Variants in ARHGAP18 observed in about 807,000 individuals in gnomAD.
ARHGAP18 encodes the protein rho GTPase-activating protein 18.
In ARHGAP18, 67 loss-of-function variants were observed where a neutral mutation model predicts 86.2. The observed-to-expected ratio is 0.78, with a 90% CI of 0.64 to 0.95. The LOEUF (loss-of-function observed/expected upper bound fraction) is 0.95. Among genes scored for constraint, ARHGAP18 ranks in the 40% least tolerant of loss-of-function variants. ARHGAP18 has a pLI of 0.00. For synonymous variants in ARHGAP18, 283 were observed against 280.4 expected, an observed-to-expected ratio of 1.01 and a Z score of -0.09; for missense variants, 691 against 780.4, an observed-to-expected ratio of 0.89 and a Z score of 1.37.
chr6:129,582,528 G>GT (rs1288457614), intron 13 of ARHGAP18, among the ~76,000 whole-genome samples: 1 of 152,198 alleles, frequency 6.6e-6, no homozygotes, highest in Non-Finnish European at 1.5e-5. Context: ...GCAAAAGTTA[G>GT]TATCTACTAA....
chr6:129,670,194 C>T (rs1289439825), intron 1 of ARHGAP18, among the ~76,000 whole-genome samples: 1 of 152,180 alleles, frequency 6.6e-6, no homozygotes, highest in Non-Finnish European at 1.5e-5. Flanking sequence ...ACAGTGTGTG[C>T]TAATTTGGTT....
intron 1 of ARHGAP18, among the ~76,000 whole-genome samples, chr6:129,709,471 G>T (rs1317186245): frequency 2.6e-5 from 4 of 151,898 alleles, no homozygotes; most frequent in Non-Finnish European, 5.9e-5. Flanking sequence ...AAGCCTGGGG[G>T]AAAAAAAATC....
intron 5 of ARHGAP18, among the ~76,000 whole-genome samples, chr6:129,627,460 C>T (rs1278772284): frequency 6.6e-6 from 1 of 151,984 alleles, no homozygotes; most frequent in Non-Finnish European, 1.5e-5. Context: ...TCTTGACTCC[C>T]CCCCAAAAAA....
intron 1 of ARHGAP18, among the ~76,000 whole-genome samples, chr6:129,698,202 C>T (rs141616736): frequency 6.6e-6 from 1 of 152,242 alleles, no homozygotes; most frequent in Non-Finnish European, 1.5e-5. Context: ...TTTTTCTAGG[C>T]TTATCATTTG....
Position 129,629,475 on chromosome 6 carries a change from C to T in ARHGAP18, c.664G>A (p.Glu222Lys). The change falls in exon 5 of 15, where the codon GAG becomes AAG. Residue 222 changes from glutamate (E) to lysine (K), a missense_variant. Glu to Lys is a moderately conservative substitution (Grantham distance 56). Coordinates refer to ENST00000368149, the MANE Select transcript of ARHGAP18 (RefSeq NM_033515.3). ...ATGTCTGTTTCAGGGGCAGGCGTCT[C>T]CTCAGGTGGGATCAGCTTCTCTTCA... ...VGEEKLIPPE[E>K]TPAPETDINL... 1 of 1,613,730 alleles carries T rather than the reference C, an allele frequency of 6.2e-7. No homozygotes were observed. Among genetic ancestry groups the T allele is most frequent in the Non-Finnish European group, 8.5e-7 (1 of 1,179,890 alleles).
At chr6:129,704,626 C>T (rs1393865220) in intron 1 of ARHGAP18, among the ~76,000 whole-genome samples, 1 of 152,114 alleles carries the variant, frequency 6.6e-6, no homozygotes, top group Non-Finnish European at 1.5e-5. Flanking sequence ...CCTACAGGCC[C>T]TAATGTCAAA....
intron 5 of ARHGAP18, 81 bp downstream of exon 5, chr6:129,629,268 TGTGC>T (rs770121178): frequency 2.7e-6 from 3 of 1,113,632 alleles, no homozygotes; most frequent in Non-Finnish European, 3.8e-6. Flanking sequence ...TATATGTGTG[TGTGC>T]GTGTGTGTGT....
At chr6:129,619,257 GA>G (rs1325607333) in intron 5 of ARHGAP18, among the ~76,000 whole-genome samples, 8 of 7,886 alleles carry the variant, frequency 1.0e-3, no homozygotes, top group African/African-American at 4.3e-3. Flanking sequence ...AGGGGAGAGA[GA>G]GGGGGAGGGG....
At chr6:129,699,746 C>T (rs1477423676) in intron 1 of ARHGAP18, among the ~76,000 whole-genome samples, 2 of 152,108 alleles carry the variant, frequency 1.3e-5, no homozygotes, top group Non-Finnish European at 2.9e-5. Context: ...TCGCTAGTTA[C>T]GTCCACACCC....
intron 12 of ARHGAP18, among the ~76,000 whole-genome samples, chr6:129,590,511 C>T (rs1486433139): frequency 6.6e-6 from 1 of 152,086 alleles, no homozygotes; most frequent in Admixed American, 6.5e-5. Context: ...AGATGGGAAG[C>T]AGCATGAGTA....
At chr6:129,656,214 A>C (rs1773831897) in intron 1 of ARHGAP18, among the ~76,000 whole-genome samples, 1 of 152,258 alleles carries the variant, frequency 6.6e-6, no homozygotes, top group Admixed American at 6.5e-5. Flanking sequence ...TAGAGGAGAT[A>C]AAATATGTAG....
intron 1 of ARHGAP18, among the ~76,000 whole-genome samples, chr6:129,668,286 G>C (rs1212022772): frequency 6.6e-6 from 1 of 151,560 alleles, no homozygotes; most frequent in African/African-American, 2.4e-5. Context: ...AAGGGTATCA[G>C]TGCATGGAGC....
intron 1 of ARHGAP18, among the ~76,000 whole-genome samples, chr6:129,649,284 G>A (rs1449245880): frequency 5.3e-5 from 8 of 152,082 alleles, no homozygotes; most frequent in South Asian, 2.1e-4. Context: ...GGCCAGGTGC[G>A]GTGACTCACG....
chr6:129,619,652 G>A (rs985863936), intron 5 of ARHGAP18, among the ~76,000 whole-genome samples: 1 of 142,414 alleles, frequency 7.0e-6, no homozygotes, highest in Non-Finnish European at 1.5e-5. Flanking sequence ...GAGGGGGAGG[G>A]GGAAACAGAG....
intron 5 of ARHGAP18, among the ~76,000 whole-genome samples, chr6:129,619,199 C>G (rs1256598785): frequency 1.1e-5 from 1 of 87,536 alleles, no homozygotes; most frequent in African/African-American, 4.9e-5. Flanking sequence ...CAAGCACAAT[C>G]CATGAGGGGG....
chr6:129,625,587 A>G (rs1212115202), intron 5 of ARHGAP18, among the ~76,000 whole-genome samples: 2 of 74,840 alleles, frequency 2.7e-5, no homozygotes, highest in African/African-American at 1.1e-4. Context: ...ATTATATATT[A>G]TATATTTATA....
chr6:129,620,692 G>A (rs576591465), intron 5 of ARHGAP18, among the ~76,000 whole-genome samples: 1 of 152,122 alleles, frequency 6.6e-6, no homozygotes, highest in South Asian at 2.1e-4. Context: ...CTTTGCTTTG[G>A]TACTTCTTGC....
chr6:129,629,955 G>A (rs1773162856), intron 4 of ARHGAP18, among the ~76,000 whole-genome samples: 1 of 152,074 alleles, frequency 6.6e-6, no homozygotes, highest in South Asian at 2.1e-4. Context: ...AATTTCCTCT[G>A]AGTGGATCAG....
At chr6:129,684,674 C>T (rs1012804485) in intron 1 of ARHGAP18, among the ~76,000 whole-genome samples, 1 of 152,122 alleles carries the variant, frequency 6.6e-6, no homozygotes, top group Admixed American at 6.5e-5. Context: ...TTAATATATC[C>T]GTAGAAGTCC....
Sources: allele counts gnomAD v4.1 joint callset (sites outside exome capture counted in the v4.1 genomes callset), GRCh38; gene constraint gnomAD v4.1.1; transcripts MANE v1.5; gene names NCBI Gene and HGNC (gene_info 2026-07-23, HGNC 2026-07-21).